The following ITGB2 variants were observed in gnomAD, a reference collection of about 807,000 sequenced individuals.
ITGB2 encodes integrin beta-2.
ITGB2 carries 56 observed loss-of-function variants against 86.8 expected under a neutral mutation model. The observed-to-expected ratio is 0.65, with a 90% CI of 0.52 to 0.81. ITGB2 has a LOEUF of 0.81. Ranked by LOEUF, ITGB2 falls within the 30% of genes least tolerant of loss-of-function variation. The probability of loss-of-function intolerance (pLI) is 0.00; values close to 1 mark genes in which losing one functional copy is unlikely to be tolerated. For synonymous variants in ITGB2, 457 were observed against 450.4 expected (o/e 1.01, Z -0.19); for missense variants, 948 against 1,061.2 (o/e 0.89, Z 1.48).
chr21:44,901,880 G>A (rs1289911072), intron 5 of ITGB2, 147 bp from the exon 6 acceptor site: 1 of 872,558 alleles, frequency 1.1e-6, no homozygotes, highest in Non-Finnish European at 1.7e-6. Context: ...GTGTGTGTGT[G>A]AGCATGTGCG....
At chr21:44,887,963 G>A (rs1196133111) in intron 14 of ITGB2, among the ~76,000 whole-genome samples, 5 of 152,208 alleles carry the variant, frequency 3.3e-5, no homozygotes, top group African/African-American at 1.2e-4. Context: ...GTCCGCCAGC[G>A]GCCCCCCAGC....
chr21:44,898,662 C>T (rs917031686), intron 8 of ITGB2, among the ~76,000 whole-genome samples: 13 of 152,214 alleles, frequency 8.5e-5, no homozygotes, highest in Admixed American at 3.3e-4. Flanking sequence ...TGAAATTCAT[C>T]CCACTCCGCA....
At chr21:44,913,909 G>A (rs562268618) in intron 1 of ITGB2, among the ~76,000 whole-genome samples, 74 of 152,330 alleles carry the variant, frequency 4.9e-4, no homozygotes, top group Non-Finnish European at 9.6e-4. Context: ...CGGGCAAACA[G>A]GTGCCTGGCC....
intron 7 of ITGB2, among the ~76,000 whole-genome samples, chr21:44,899,998 G>A (rs1016043744): frequency 1.1e-4 from 17 of 152,180 alleles, no homozygotes; most frequent in African/African-American, 3.4e-4. Context: ...GGGTGCAGCC[G>A]TAGCCTGGGG....
intron 9 of ITGB2, chr21:44,894,039 TGA>T (rs948512916): frequency 4.0e-6 from 1 of 251,192 alleles, no homozygotes; most frequent in Non-Finnish European, 8.0e-6. Flanking sequence ...AGACAAAGAC[TGA>T]GAGACAGACG....
chr21:44,904,854 A>G (rs1441384055), intron 4 of ITGB2, among the ~76,000 whole-genome samples: 1 of 151,472 alleles, frequency 6.6e-6, no homozygotes, highest in African/African-American at 2.4e-5. Flanking sequence ...CCACACACAC[A>G]TGCGCTCACA....
intron 1 of ITGB2, among the ~76,000 whole-genome samples, chr21:44,919,287 AG>A (rs1216318894): frequency 9.3e-4 from 142 of 152,280 alleles, no homozygotes; most frequent in African/African-American, 3.2e-3. Context: ...GGACGTAGCC[AG>A]GGACCTCTTC....
chr21:44,901,957 G>C (rs2083966588), intron 5 of ITGB2: 1 of 584,544 alleles, frequency 1.7e-6, no homozygotes, highest in East Asian at 2.9e-5. Flanking sequence ...AATGTACATG[G>C]ATGAGCATAA....
At chr21:44,926,232 C>A (rs2084372110) in intron 1 of ITGB2, among the ~76,000 whole-genome samples, 1 of 152,036 alleles carries the variant, frequency 6.6e-6, no homozygotes, top group Admixed American at 6.5e-5. Flanking sequence ...TGGGGGGACC[C>A]AGACCTCCAT....
chr21:44,888,073 G>A (rs2083725274), intron 14 of ITGB2, among the ~76,000 whole-genome samples: 1 of 152,236 alleles, frequency 6.6e-6, no homozygotes, highest in Non-Finnish European at 1.5e-5. Context: ...GGTTCCAACT[G>A]GAGCTGAATG....
At chr21:44,922,428 C>T (rs975174797), upstream of ITGB2, among the ~76,000 whole-genome samples, 9 of 151,704 alleles carry the variant, frequency 5.9e-5, no homozygotes, top group Admixed American at 2.6e-4. Context: ...TTTGGGAGGC[C>T]GAGGTGGGAG....
Position 44,890,002 on chromosome 21 carries a change from T to G in ITGB2, c.1633A>C (p.Asn545His). ...ECDTINCERY[N>H]GQVCGGPGRG... ...CCCGGGCCGCCGCAGACCTGGCCGTTGTAGCGCTCACAGTTGATGGTGTCA... is the reference window on the plus strand; with the variant it reads ...CCCGGGCCGCCGCAGACCTGGCCGTGGTAGCGCTCACAGTTGATGGTGTCA... Residue 545 changes from asparagine (N) to histidine (H), a missense_variant, in exon 12 of 16, where the codon AAC becomes CAC. Transcript: ENST00000652462. 1.2e-6 allele frequency: 2 copies of G among 1,613,326 alleles called. No homozygotes were observed. The highest frequency in any genetic ancestry group is 1.7e-6 in the Non-Finnish European group (2 of 1,179,996).
At chr21:44,902,215 A>G (rs201450060) in intron 5 of ITGB2, among the ~76,000 whole-genome samples, 1 of 152,242 alleles carries the variant, frequency 6.6e-6, no homozygotes, top group Non-Finnish European at 1.5e-5. Context: ...CGATTTATAC[A>G]TGTGAGTGAA....
At chr21:44,889,230 G>T (rs1295217614) in intron 13 of ITGB2, 46 bp downstream of exon 13, 1 of 1,581,730 alleles carries the variant, frequency 6.3e-7, no homozygotes, top group Non-Finnish European at 8.7e-7. Context: ...TAGGTGGCCG[G>T]GGAGTGGGGA....
At chr21:44,928,600 C>A (rs938230257) in intron 1 of ITGB2, 1 of 153,774 alleles carries the variant, frequency 6.5e-6, no homozygotes, top group African/African-American at 2.4e-5. Context: ...GAGAGCAGGG[C>A]TCCCGAGGGT....
rs931913864 is a variant in ITGB2, at chr21:44,886,543, G to A, written c.2248-113C>T. On this transcript the variant is annotated intron_variant, in intron 15 of 15. Transcript: ENST00000652462. ...CCGTCACTTTGAGGAAGAGCTAGAC[G>A]TGGGGCAGCCCCCCCAGGGTCCCAG... 8.5e-6 allele frequency: 12 copies of A among 1,413,278 alleles called. No individual in the cohort carries two copies. The East Asian group carries it at 1.4e-4, about 16-fold the overall frequency. 87.5% of individuals were successfully genotyped at this position (1,413,278 alleles called of 1,614,324 possible). A position where few individuals can be genotyped will look rare whatever the true frequency, so the allele number is the denominator to read the frequency against.
At position 44,910,064 on chromosome 21, in the gene ITGB2, G is replaced by A. The variant is rs1459759952; in HGVS notation, c.147+220C>T. Among the ~76,000 whole-genome samples the A allele has an allele frequency of 2.0e-5, 3 of 152,324 alleles. No individual in the cohort carries two copies. In the East Asian group the frequency reaches 5.8e-4, roughly 29 times the overall value. On this transcript the variant is annotated intron_variant, in intron 3 of 15. Coordinates refer to ENST00000652462, the MANE Select transcript of ITGB2 (RefSeq NM_000211.5). ...CCATGTCTACAACCTACTCGGAAAT[G>A]GCTGAGAAAAAATACAAGTGTGTGT...
chr21:44,904,437 A>C (rs974712079), intron 4 of ITGB2, among the ~76,000 whole-genome samples: 10 of 151,882 alleles, frequency 6.6e-5, no homozygotes, highest in Non-Finnish European at 8.8e-5. Flanking sequence ...CACGTAGCAC[A>C]CACGCACCCA....
chr21:44,926,439 T>C (rs1013160641), intron 1 of ITGB2, among the ~76,000 whole-genome samples: 2 of 152,226 alleles, frequency 1.3e-5, no homozygotes, highest in African/African-American at 2.4e-5. Flanking sequence ...CCTGCTGCCC[T>C]GCCCTCTTGC....
Sources: gnomAD v4.1 joint callset for allele counts (sites outside exome capture counted in the v4.1 genomes callset) on GRCh38, gnomAD v4.1.1 for gene constraint, MANE v1.5 for transcripts, NCBI Gene and HGNC (gene_info 2026-07-23, HGNC 2026-07-21) for gene names.